The following ZRANB3 variants were observed in gnomAD, a reference collection of about 807,000 sequenced individuals.
ZRANB3 encodes DNA annealing helicase and endonuclease ZRANB3.
A neutral mutation model predicts 133.8 loss-of-function variants in ZRANB3; 125 were observed. That is an observed-to-expected ratio of 0.93 (90% CI 0.81 to 1.08). The LOEUF (loss-of-function observed/expected upper bound fraction) is 1.08, where lower values mean the gene tolerates loss of function less well. ZRANB3 is among the 50% of genes least tolerant of loss of function. The probability of loss-of-function intolerance (pLI) is 0.00; values close to 1 mark genes in which losing one functional copy is unlikely to be tolerated. For missense variants in ZRANB3, 1,229 were observed against 1,275.5 expected (o/e 0.96, Z 0.56); for synonymous variants, 387 against 432.7 (o/e 0.89, Z 1.31).
intron 2 of ZRANB3, among the ~76,000 whole-genome samples, chr2:135,490,920 T>C (rs1692342685): frequency 6.6e-6 from 1 of 152,146 alleles, no homozygotes; most frequent in African/African-American, 2.4e-5. Flanking sequence ...CGCACTCATA[T>C]GTGGGAGCTC....
intron 4 of ZRANB3, among the ~76,000 whole-genome samples, chr2:135,351,376 T>C (rs906076610): frequency 6.6e-6 from 1 of 150,760 alleles, no homozygotes; most frequent in Non-Finnish European, 1.5e-5. Flanking sequence ...AATGCCATTC[T>C]CCTGTCTCAG....
chr2:135,293,187 G>A (rs1383322514), intron 8 of ZRANB3, among the ~76,000 whole-genome samples: 1 of 152,198 alleles, frequency 6.6e-6, no homozygotes, highest in Non-Finnish European at 1.5e-5. Context: ...ACCTTGGGCA[G>A]TATGGCCATT....
rs753387351 is a variant in ZRANB3 at position 135,230,572 on chromosome 2, T to C, written c.1895A>G (p.Tyr632Cys). ...VEGWQCSLCT[Y>C]INNSELPYCE... ...ATAAGGTAACTCTGAATTATTGATATAGGTGCAGAGACTACATTGCCAGCC... is the reference window on the plus strand; with the variant it reads ...ATAAGGTAACTCTGAATTATTGATACAGGTGCAGAGACTACATTGCCAGCC... The change falls in exon 13 of 21, where the codon TAT (tyrosine) becomes TGT (cysteine). Residue 632 changes from tyrosine to cysteine, a missense_variant. Transcript: ENST00000264159. The C allele has an allele frequency of 1.1e-5, 18 of 1,586,812 alleles. No individual in the cohort carries two copies. The highest frequency in any genetic ancestry group is 1.7e-4 in the Middle Eastern group (1 of 5,918).
At chr2:135,236,891 A>G (rs1490877091) in intron 12 of ZRANB3, among the ~76,000 whole-genome samples, 6 of 152,236 alleles carry the variant, frequency 3.9e-5, no homozygotes, top group Admixed American at 3.3e-4. Flanking sequence ...CAAGGACTTC[A>G]TGTCTAAAAC....
At chr2:135,417,924 C>T (rs1311852203) in intron 2 of ZRANB3, among the ~76,000 whole-genome samples, 1 of 151,910 alleles carries the variant, frequency 6.6e-6, no homozygotes, top group East Asian at 1.9e-4. Context: ...AACACATGGA[C>T]ACAGGAAGGA....
At chr2:135,381,017 T>C (rs1013984366) in intron 3 of ZRANB3, among the ~76,000 whole-genome samples, 4 of 152,206 alleles carry the variant, frequency 2.6e-5, no homozygotes, top group African/African-American at 9.6e-5. Flanking sequence ...GGACAGAGGA[T>C]GCAGTGCATT....
intron 1 of ZRANB3, among the ~76,000 whole-genome samples, chr2:135,507,767 C>A (rs1160888796): frequency 6.6e-6 from 1 of 151,588 alleles, no homozygotes; most frequent in Non-Finnish European, 1.5e-5. Flanking sequence ...TCAGCCAGGG[C>A]AAACAGCGAG....
intron 12 of ZRANB3, among the ~76,000 whole-genome samples, chr2:135,234,904 C>T (rs1695215856): frequency 1.3e-5 from 2 of 152,036 alleles, no homozygotes; most frequent in South Asian, 4.2e-4. Context: ...CAAACACATT[C>T]AAAAGCCAGC....
intron 2 of ZRANB3, among the ~76,000 whole-genome samples, chr2:135,409,901 C>G (rs1688224683): frequency 6.6e-6 from 1 of 152,008 alleles, no homozygotes; most frequent in Non-Finnish European, 1.5e-5. Context: ...AATAAAATAC[C>G]TAGGAATACA....
rs141898558 is a variant in ZRANB3 at position 135,321,684 on chromosome 2, T to A, written c.678-6154A>T. Among the ~76,000 whole-genome samples the A allele has an allele frequency of 2.5e-3, 382 of 152,268 alleles. 3 individuals carry two copies. The highest frequency in any genetic ancestry group is 2.2e-3 in the Non-Finnish European group (153 of 68,020). On this transcript the variant is annotated intron_variant, in intron 6 of 20. Coordinates refer to ENST00000264159, the MANE Select transcript of ZRANB3 (RefSeq NM_032143.4). ...TAGTAGAGATGGGGTTTTGCCATGTTGGCCAGGGTGGTCTCGAACTCCTGA... is the reference window on the plus strand; with the variant it reads ...TAGTAGAGATGGGGTTTTGCCATGTAGGCCAGGGTGGTCTCGAACTCCTGA...
At chr2:135,292,346 G>C (rs1408140426) in intron 8 of ZRANB3, among the ~76,000 whole-genome samples, 17 of 152,292 alleles carry the variant, frequency 1.1e-4, no homozygotes, top group African/African-American at 4.1e-4. Flanking sequence ...CTGATGGCCA[G>C]TGATGATGAG....
At chr2:135,395,246 G>A (rs1209221647) in intron 2 of ZRANB3, among the ~76,000 whole-genome samples, 4 of 151,964 alleles carry the variant, frequency 2.6e-5, no homozygotes, top group African/African-American at 4.8e-5. Context: ...CATACACTGG[G>A]AGAAAGGGCA....
chr2:135,352,148 A>G (rs1685235099), intron 4 of ZRANB3, among the ~76,000 whole-genome samples: 1 of 151,990 alleles, frequency 6.6e-6, no homozygotes, highest in Non-Finnish European at 1.5e-5. Context: ...ACTGACCAAC[A>G]TGGTGAAACC....
intron 2 of ZRANB3, among the ~76,000 whole-genome samples, chr2:135,409,802 A>T (rs1688221496): frequency 6.6e-6 from 1 of 152,232 alleles, no homozygotes; most frequent in African/African-American, 2.4e-5. Flanking sequence ...TCAGCATACA[A>T]AAATCAGTAG....
At chr2:135,400,223 G>C (rs983142492) in intron 2 of ZRANB3, among the ~76,000 whole-genome samples, 26 of 151,956 alleles carry the variant, frequency 1.7e-4, no homozygotes, top group African/African-American at 9.7e-5. Flanking sequence ...CTGGGCAACA[G>C]AGCAAGACTT....
At chr2:135,528,180 C>T (rs995942059) in intron 1 of ZRANB3, among the ~76,000 whole-genome samples, 1 of 151,700 alleles carries the variant, frequency 6.6e-6, no homozygotes, top group African/African-American at 2.4e-5. Flanking sequence ...ACAGAGTCTC[C>T]TGTGTTGCCC....
chr2:135,199,360 G>C lies in ZRANB3; in HGVS notation c.*982C>G, dbSNP rs893405158. 1 of 152,180 alleles carries C rather than the reference G, an allele frequency of 6.6e-6. No homozygotes were observed. Among genetic ancestry groups the C allele is most frequent in the African/African-American group, 2.4e-5 (1 of 41,412 alleles). 9.4% of individuals were successfully genotyped at this position (152,180 alleles called of 1,614,324 possible). Reference sequence around the variant, plus strand: ...CGCCCAGGCTGGAGTTCAATGGCGTGATCTCGGCTCACTGCAACCTCTGCT... The same window carrying C: ...CGCCCAGGCTGGAGTTCAATGGCGTCATCTCGGCTCACTGCAACCTCTGCT... On this transcript the variant is annotated 3_prime_UTR_variant, in exon 21 of 21. Coordinates refer to ENST00000264159, the MANE Select transcript of ZRANB3 (RefSeq NM_032143.4).
intron 15 of ZRANB3, among the ~76,000 whole-genome samples, chr2:135,223,573 C>T (rs924791674): frequency 1.3e-5 from 2 of 152,066 alleles, no homozygotes; most frequent in African/African-American, 2.4e-5. Context: ...GGTGATCCAC[C>T]CACCTTGGCC....
At chr2:135,439,907 C>A (rs1009094353) in intron 2 of ZRANB3, among the ~76,000 whole-genome samples, 3 of 152,138 alleles carry the variant, frequency 2.0e-5, no homozygotes, top group African/African-American at 7.2e-5. Context: ...ACTTCTATCA[C>A]CTGTACCTTT....
Sources: gnomAD v4.1 joint callset for allele counts (sites outside exome capture counted in the v4.1 genomes callset) on GRCh38, gnomAD v4.1.1 for gene constraint, MANE v1.5 for transcripts, NCBI Gene and HGNC (gene_info 2026-07-23, HGNC 2026-07-21) for gene names.